Variants in RBM44 observed in about 807,000 individuals in gnomAD.
RBM44 encodes the protein RNA binding motif protein 44.
In RBM44, 66 loss-of-function variants were observed where a neutral mutation model predicts 105.1. The ratio of observed to expected loss-of-function variants is 0.63; its 90% CI spans 0.52 to 0.77. The LOEUF (loss-of-function observed/expected upper bound fraction) is 0.77, where lower values mean the gene tolerates loss of function less well. Ranked by LOEUF, RBM44 falls within the 30% of genes least tolerant of loss-of-function variation. The pLI is 0.00. For missense variants in RBM44, 1,122 were observed against 1,207.8 expected (o/e 0.93, Z 1.05); for synonymous variants, 365 against 417.6 (o/e 0.87, Z 1.54).
At chr2:237,838,402 T>TG (rs1203764471) in intron 15 of RBM44, among the ~76,000 whole-genome samples, 2 of 152,130 alleles carry the variant, frequency 1.3e-5, no homozygotes, top group Non-Finnish European at 2.9e-5. Context: ...GAATGTTCTC[T>TG]GGGGAAAAAA....
intron 13 of RBM44, among the ~76,000 whole-genome samples, chr2:237,831,372 C>G (rs1576515756): frequency 6.6e-6 from 1 of 152,050 alleles, no homozygotes; most frequent in Admixed American, 6.6e-5. Context: ...CTTCTGCCTC[C>G]TGGGTTCAAG....
rs11894522 is a variant in RBM44, at chr2:237,829,027, T to A, written c.2601-190T>A. Among the ~76,000 whole-genome samples the A allele has an allele frequency of 0.034, 5,112 of 152,274 alleles. 193 individuals are homozygous for A. Among genetic ancestry groups the A allele is most frequent in the Admixed American group, 0.11 (1,653 of 15,276 alleles). ...AAATACTTTTCTTCTATTTCCCATC[T>A]TTAACTTGGTTTTTATTTAGTTATC... On this transcript the variant is annotated intron_variant, in intron 12 of 15. Transcript: ENST00000316997.
chr2:237,808,970 C>T (rs1351022986), intron 1 of RBM44, among the ~76,000 whole-genome samples: 3 of 152,102 alleles, frequency 2.0e-5, no homozygotes, highest in Non-Finnish European at 2.9e-5. Context: ...CTAGAAAAAG[C>T]ATTTCTAGGT....
intron 15 of RBM44, among the ~76,000 whole-genome samples, chr2:237,839,298 C>T (rs2061988236): frequency 1.3e-5 from 2 of 151,970 alleles, no homozygotes; most frequent in East Asian, 1.9e-4. Flanking sequence ...TGTTTTGAGA[C>T]GGAGTCACTC....
intron 13 of RBM44, among the ~76,000 whole-genome samples, chr2:237,831,112 T>C (rs1004493984): frequency 2.0e-5 from 3 of 151,934 alleles, no homozygotes; most frequent in African/African-American, 7.3e-5. Flanking sequence ...TTCTCTACTA[T>C]TAGCAACTCC....
chr2:237,833,462 T>C (rs1269465921), intron 13 of RBM44, among the ~76,000 whole-genome samples: 1 of 152,162 alleles, frequency 6.6e-6, no homozygotes. Context: ...CTATAGTTTT[T>C]CCCCCACAGC....
rs1447634145 is a variant in RBM44, at chr2:237,834,354, A to G, written c.3109A>G (p.Ile1037Val). ...TCTGAATGGCTTATCTATTACTACTATTGTGGAGATGACTTCATCTCTTCT... is the reference window on the plus strand; with the variant it reads ...TCTGAATGGCTTATCTATTACTACTGTTGTGGAGATGACTTCATCTCTTCT... ...GFLNGLSITTIVEMTSSLLKN... is the reference protein window; with the variant it reads ...GFLNGLSITTVVEMTSSLLKN... Residue 1037 changes from isoleucine (I) to valine (V), a missense_variant, in exon 15 of 16, where the codon ATT (isoleucine) becomes GTT (valine). By Grantham distance (29) the Ile-to-Val change is conservative (BLOSUM62 3). Coordinates refer to ENST00000316997, the MANE Select transcript of RBM44 (RefSeq NM_001080504.3). 2.8e-5 allele frequency: 43 copies of G among 1,553,646 alleles called. No individual in the cohort carries two copies. In the East Asian group the frequency reaches 4.4e-4, roughly 16 times the overall value.
intron 12 of RBM44, among the ~76,000 whole-genome samples, chr2:237,827,809 C>T (rs1049936225): frequency 6.6e-6 from 1 of 152,110 alleles, no homozygotes; most frequent in Non-Finnish European, 1.5e-5. Flanking sequence ...GGTAAAAGAA[C>T]GGCTTCCAGA....
chr2:237,814,666 GT>G (rs2061695481), intron 2 of RBM44, among the ~76,000 whole-genome samples: 1 of 152,090 alleles, frequency 6.6e-6, no homozygotes, highest in African/African-American at 2.4e-5. Context: ...GGTTAGTGGA[GT>G]GGAATAAATA....
chr2:237,825,566 A>G (rs2061839823), intron 10 of RBM44, among the ~76,000 whole-genome samples: 1 of 152,176 alleles, frequency 6.6e-6, no homozygotes, highest in Admixed American at 6.5e-5. Context: ...CATGTCACGT[A>G]TCACAATACT....
intron 4 of RBM44, 39 bp from the exon 5 acceptor site, chr2:237,820,136 G>C: frequency 8.3e-7 from 1 of 1,205,882 alleles, no homozygotes; most frequent in Non-Finnish European, 1.1e-6. Flanking sequence ...ATAGAAAAAT[G>C]TTTGGAATCT....
intron 1 of RBM44, among the ~76,000 whole-genome samples, chr2:237,802,238 G>A (rs764815993): frequency 6.6e-6 from 1 of 152,132 alleles, no homozygotes; most frequent in Non-Finnish European, 1.5e-5. Context: ...CCAGATTGTA[G>A]GAATTACTTA....
chr2:237,831,243 TGG>T (rs61344701), intron 13 of RBM44, among the ~76,000 whole-genome samples: 1,590 of 107,642 alleles, frequency 0.015, 60 homozygotes, highest in African/African-American at 0.043. Flanking sequence ...TCCTTTTTTT[TGG>T]GGGGGGGGGG....
At chr2:237,819,655 T>C (rs1306879183) in intron 4 of RBM44, among the ~76,000 whole-genome samples, 1 of 152,038 alleles carries the variant, frequency 6.6e-6, no homozygotes, top group African/African-American at 2.4e-5. Context: ...CATAGTGATT[T>C]GGGGCTTTTT....
At position 237,818,196 on chromosome 2, in the gene RBM44, A is replaced by T. The variant is rs2061742450; in HGVS notation, c.1277A>T (p.Asp426Val). ...GTCAGAGATAATCAGGCAATAGAAG[A>T]TAATACGTCCCTAAAAGTTGCTCAT... ...IAVRDNQAIE[D>V]NTSLKVAHSS... The change falls in exon 3 of 16, where the codon GAT becomes GTT. Residue 426 changes from aspartate (D) to valine (V), a missense_variant. Asp to Val is a radical substitution (Grantham distance 152). Transcript: ENST00000316997. The surrounding 1 kb of genome is among the most constrained non-coding windows in gnomAD (Gnocchi z 4.6). 1.2e-6 allele frequency: 2 copies of T among 1,613,148 alleles called. No individual in the cohort carries two copies. The highest frequency in any genetic ancestry group is 2.2e-5 in the South Asian group (2 of 91,062).
At chr2:237,831,957 C>T (rs1181805382) in intron 13 of RBM44, among the ~76,000 whole-genome samples, 2 of 152,116 alleles carry the variant, frequency 1.3e-5, no homozygotes, top group Non-Finnish European at 2.9e-5. Flanking sequence ...TTTCTTCTCT[C>T]GTGTAGCACA....
rs151212575 is a variant in RBM44, at chr2:237,806,410, T to G, written c.-18-7182T>G. Among the ~76,000 whole-genome samples the G allele has an allele frequency of 4.3e-3, 661 of 152,314 alleles. 3 individuals carry two copies. The highest frequency in any genetic ancestry group is 0.015 in the African/African-American group (632 of 41,574). ...CATCCTACTTTCTTTGGGCTTAATA[T>G]TCCTGCTTTTTCTAGTTTCTTAAAA... On this transcript the variant is annotated intron_variant, in intron 1 of 15. Coordinates refer to ENST00000316997, the MANE Select transcript of RBM44 (RefSeq NM_001080504.3).
intron 1 of RBM44, among the ~76,000 whole-genome samples, chr2:237,806,038 A>G (rs1177441515): frequency 6.6e-6 from 1 of 152,202 alleles, no homozygotes; most frequent in Non-Finnish European, 1.5e-5. Flanking sequence ...TAAAAATCTT[A>G]GAAGACAACC....
rs963247260 is a variant in RBM44 at position 237,821,363 on chromosome 2, A to G, written c.2115A>G (p.Thr705=). The G allele has an allele frequency of 4.4e-5, 68 of 1,558,828 alleles. No individual in the cohort carries two copies. The highest frequency in any genetic ancestry group is 5.7e-5 in the Admixed American group (3 of 52,566). The change falls in exon 7 of 16, where the codon ACA becomes ACG. Residue 705 remains threonine (T), a synonymous_variant. Transcript: ENST00000316997. ...TFASRLMKKE[T]HVFSEADAEQ... The stretch of plus-strand genomic sequence containing the variant: ...CCTTCCAGCTAATGAAAAAAGAAAC[A>G]CATGTGTGAGTTATGGTTTCATTTG...
Sources: gnomAD v4.1 joint callset for allele counts (sites outside exome capture counted in the v4.1 genomes callset) on GRCh38, gnomAD v4.1.1 for gene constraint, Gnocchi (gnomAD v3.1) non-coding constraint, MANE v1.5 for transcripts, NCBI Gene and HGNC (gene_info 2026-07-23, HGNC 2026-07-21) for gene names.